The following ZCCHC17 variants were observed in gnomAD, a reference collection of about 807,000 sequenced individuals.
ZCCHC17 encodes the protein zinc finger CCHC-type containing 17.
A neutral mutation model predicts 30.6 loss-of-function variants in ZCCHC17; 18 were observed. That is an observed-to-expected ratio of 0.59 (90% CI 0.41 to 0.87). The LOEUF is 0.87. Among genes scored for constraint, ZCCHC17 ranks in the 40% least tolerant of loss-of-function variants. ZCCHC17 has a pLI of 0.00. For missense variants in ZCCHC17, 263 were observed against 284.2 expected, an observed-to-expected ratio of 0.93 and a Z score of 0.54; for synonymous variants, 88 against 92.4, an observed-to-expected ratio of 0.95 and a Z score of 0.27.
At chr1:31,297,327 T>C (rs1035102058) in intron 1 of ZCCHC17, 1 of 395,950 alleles carries the variant, frequency 2.5e-6, no homozygotes. Flanking sequence ...TGGCCAGTCC[T>C]GTGCCGGGCA....
intron 2 of ZCCHC17, chr1:31,318,037 C>G: frequency 3.0e-6 from 2 of 656,964 alleles, no homozygotes; most frequent in Non-Finnish European, 4.8e-6. Flanking sequence ...AATAATAGTA[C>G]CAACTCTGTA....
At chr1:31,310,425 A>C (rs964257267) in intron 2 of ZCCHC17, among the ~76,000 whole-genome samples, 2 of 152,232 alleles carry the variant, frequency 1.3e-5, no homozygotes, top group Non-Finnish European at 2.9e-5. Context: ...TGTGGTTTGA[A>C]TGTGTCCCCT....
chr1:31,299,713 C>T (rs1213264038), intron 1 of ZCCHC17, among the ~76,000 whole-genome samples: 1 of 152,150 alleles, frequency 6.6e-6, no homozygotes, highest in African/African-American at 2.4e-5. Context: ...CTGCCAAAGT[C>T]TTTTATTGCA....
intron 3 of ZCCHC17, among the ~76,000 whole-genome samples, chr1:31,335,496 C>A (rs1638779656): frequency 6.6e-6 from 1 of 152,106 alleles, no homozygotes; most frequent in Non-Finnish European, 1.5e-5. Context: ...CCACCTCAGC[C>A]TCCTGAGTAT....
intron 7 of ZCCHC17, among the ~76,000 whole-genome samples, chr1:31,354,278 G>A (rs759418103): frequency 6.6e-6 from 1 of 151,956 alleles, no homozygotes; most frequent in Non-Finnish European, 1.5e-5. Context: ...TAGCATGTTC[G>A]TTTTGTATTC....
chr1:31,306,569 T>G (rs1297118831), intron 1 of ZCCHC17, among the ~76,000 whole-genome samples: 1 of 152,236 alleles, frequency 6.6e-6, no homozygotes, highest in East Asian at 1.9e-4. Flanking sequence ...TTTGGTGTTT[T>G]TGGACCGTGG....
At chr1:31,349,965 A>C (rs1323076536) in intron 7 of ZCCHC17, among the ~76,000 whole-genome samples, 1 of 152,204 alleles carries the variant, frequency 6.6e-6, no homozygotes, top group African/African-American at 2.4e-5. Context: ...GATACATTTT[A>C]TCAAATTGCC....
At chr1:31,337,912 G>A (rs546724887) in intron 4 of ZCCHC17, among the ~76,000 whole-genome samples, 5 of 152,210 alleles carry the variant, frequency 3.3e-5, no homozygotes, top group African/African-American at 4.8e-5. Context: ...ATATAAGAGC[G>A]AACCAGACAA....
intron 1 of ZCCHC17, among the ~76,000 whole-genome samples, chr1:31,307,137 A>AT (rs546484387): frequency 0.017 from 2,452 of 143,030 alleles, 47 homozygotes; most frequent in East Asian, 0.08. Flanking sequence ...TGCCTGGCTG[A>AT]TTTTTTTTTT....
chr1:31,323,548 C>G (rs1646912331), intron 3 of ZCCHC17, among the ~76,000 whole-genome samples: 1 of 152,114 alleles, frequency 6.6e-6, no homozygotes, highest in Admixed American at 6.5e-5. Flanking sequence ...GTCTCGATCT[C>G]CTGACCTCAT....
At chr1:31,338,908 C>A (rs561954576) in intron 4 of ZCCHC17, 49 bp from the exon 5 acceptor site, 2 of 1,291,276 alleles carry the variant, frequency 1.5e-6, no homozygotes, top group African/African-American at 1.5e-5. Context: ...GACTGGCCAT[C>A]TAAATGATGT....
chr1:31,322,855 G>A (rs1272101026), intron 3 of ZCCHC17, among the ~76,000 whole-genome samples: 1 of 152,026 alleles, frequency 6.6e-6, no homozygotes, highest in Non-Finnish European at 1.5e-5. Context: ...CTGAGTAGCT[G>A]GGACTACAGG....
At chr1:31,339,615 A>G (rs1041162814) in intron 5 of ZCCHC17, among the ~76,000 whole-genome samples, 17 of 152,224 alleles carry the variant, frequency 1.1e-4, no homozygotes, top group African/African-American at 3.6e-4. Context: ...TGCTCCATCA[A>G]TGGTTTTGTT....
At chr1:31,337,443 C>T (rs186572322) in intron 4 of ZCCHC17, among the ~76,000 whole-genome samples, 168 bp downstream of exon 4, 1 of 152,246 alleles carries the variant, frequency 6.6e-6, no homozygotes. Context: ...GTAGACTGTC[C>T]TGCAAACTCA....
intron 3 of ZCCHC17, among the ~76,000 whole-genome samples, chr1:31,330,985 G>A (rs1638561690): frequency 1.3e-5 from 2 of 152,150 alleles, no homozygotes. Context: ...TTCAGCCATA[G>A]ATAGAAATAA....
intron 2 of ZCCHC17, among the ~76,000 whole-genome samples, chr1:31,317,208 A>G (rs1646757146): frequency 6.6e-6 from 1 of 151,762 alleles, no homozygotes; most frequent in Non-Finnish European, 1.5e-5. Context: ...TATTTTTATT[A>G]GAGACAGGGT....
intron 3 of ZCCHC17, among the ~76,000 whole-genome samples, chr1:31,326,277 T>A (rs530623028): frequency 6.6e-6 from 1 of 152,110 alleles, no homozygotes; most frequent in African/African-American, 2.4e-5. Flanking sequence ...AAATTTTTTT[T>A]AAGTTTTTTC....
intron 3 of ZCCHC17, among the ~76,000 whole-genome samples, chr1:31,321,126 A>C (rs539223834): frequency 2.6e-5 from 4 of 152,222 alleles, no homozygotes; most frequent in African/African-American, 7.2e-5. Flanking sequence ...TCCTCACCCA[A>C]ATCTCATCTT....
In ZCCHC17 at chr1:31,310,160, G is replaced by T. The variant is rs745389207; in HGVS notation, c.62G>T (p.Gly21Val). ...NLPALYTIFQ[G>V]EVAMVTDYGA... ...CCTGCTCTCTACACTATTTTCCAAG[G>T]AGAGGTATATTCTTTTGTGCTTTGA... Residue 21 changes from glycine to valine, a missense_variant, in exon 2 of 8, where the codon GGA becomes GTA. Coordinates refer to ENST00000344147, the MANE Select transcript of ZCCHC17 (RefSeq NM_016505.4). The T allele has an allele frequency of 6.2e-7, 1 of 1,614,030 alleles. No individual in the cohort carries two copies. Among genetic ancestry groups the T allele is most frequent in the Non-Finnish European group, 8.5e-7 (1 of 1,179,988 alleles).
Sources: gnomAD v4.1 joint callset for allele counts (sites outside exome capture counted in the v4.1 genomes callset) on GRCh38, gnomAD v4.1.1 for gene constraint, MANE v1.5 for transcripts, NCBI Gene and HGNC (gene_info 2026-07-23, HGNC 2026-07-21) for gene names.